MMP15: variants seen among roughly 807,000 people sequenced by gnomAD.
MMP15 encodes the protein matrix metallopeptidase 15, also known as matrix metalloproteinase-15.
A neutral mutation model predicts 65.0 loss-of-function variants in MMP15; 36 were observed. The ratio of observed to expected loss-of-function variants is 0.55; its 90% CI spans 0.42 to 0.73. The LOEUF (loss-of-function observed/expected upper bound fraction) is 0.73, where lower values mean the gene tolerates loss of function less well. MMP15 is among the 30% of genes least tolerant of loss of function. The pLI is 0.00. For missense variants in MMP15, 870 were observed against 987.8 expected, an observed-to-expected ratio of 0.88 and a Z score of 1.60; for synonymous variants, 428 against 410.2, an observed-to-expected ratio of 1.04 and a Z score of -0.52.
At chr16:58,034,249 G>A (rs963038604) in intron 1 of MMP15, among the ~76,000 whole-genome samples, 1 of 152,208 alleles carries the variant, frequency 6.6e-6, no homozygotes, top group African/African-American at 2.4e-5. Context: ...CTGGGATTGC[G>A]AGTCATGACC....
intron 1 of MMP15, among the ~76,000 whole-genome samples, chr16:58,031,281 G>A (rs987607680): frequency 1.3e-5 from 2 of 152,178 alleles, no homozygotes; most frequent in Admixed American, 6.5e-5. Context: ...GTGCCATCCT[G>A]TGGAAATTCC....
rs1211647008 is a variant in MMP15, at chr16:58,038,284, C to A, written c.330C>A (p.Arg110=). The A allele has an allele frequency of 6.2e-7, 1 of 1,614,010 alleles. No individual in the cohort carries two copies. Among genetic ancestry groups the A allele is most frequent in the Non-Finnish European group, 8.5e-7 (1 of 1,180,026 alleles). The change falls in exon 3 of 10, where the codon CGC becomes CGA. Residue 110 remains arginine, a synonymous_variant. Coordinates refer to ENST00000219271, the MANE Select transcript of MMP15 (RefSeq NM_002428.4). The part of the protein sequence containing the change: ...EETKEWMKRP[R]CGVPDQFGVR... ...GTCCCAGGTGGATGAAGCGGCCCCG[C>A]TGTGGGGTGCCAGACCAGTTCGGGG... is the stretch of plus-strand genomic sequence containing the variant.
At chr16:58,044,271 C>T (rs2142332279) in intron 9 of MMP15, among the ~76,000 whole-genome samples, 1 of 152,246 alleles carries the variant, frequency 6.6e-6, no homozygotes, top group South Asian at 2.1e-4. Flanking sequence ...CATAGTGAGA[C>T]TCTATCTCTA....
intron 1 of MMP15, among the ~76,000 whole-genome samples, chr16:58,034,483 T>C (rs1959292002): frequency 6.6e-6 from 1 of 152,154 alleles, no homozygotes; most frequent in Non-Finnish European, 1.5e-5. Context: ...CTCACAGTCC[T>C]ATGGGTGGTA....
chr16:58,043,972 C>A (rs1219120854), intron 9 of MMP15, among the ~76,000 whole-genome samples: 1 of 152,216 alleles, frequency 6.6e-6, no homozygotes, highest in Non-Finnish European at 1.5e-5. Flanking sequence ...CCAGCCACCC[C>A]CAGGCAATCC....
At chr16:58,037,699 A>C (rs1451632069) in intron 2 of MMP15, 79 bp downstream of exon 2, 6 of 1,582,318 alleles carry the variant, frequency 3.8e-6, no homozygotes, top group Non-Finnish European at 5.2e-6. Context: ...CAGCATGTGG[A>C]GTTTCCAGAA....
intron 8 of MMP15, 45 bp from the exon 9 acceptor site, chr16:58,043,467 C>G: frequency 6.2e-7 from 1 of 1,606,754 alleles, no homozygotes; most frequent in East Asian, 2.2e-5. Context: ...GGGTCCTGGC[C>G]CAAGCAGGAT....
chr16:58,044,336 A>AT (rs771067432), intron 9 of MMP15, among the ~76,000 whole-genome samples: 5 of 152,164 alleles, frequency 3.3e-5, no homozygotes, highest in Non-Finnish European at 5.9e-5. Flanking sequence ...AGTCCCAGTT[A>AT]TTTAGGAGGC....
In MMP15 at chr16:58,040,207, G is replaced by A. The variant is rs1421816238; in HGVS notation, c.748+25G>A. ...GGTGAGGACAGCTGGCCAGGGTGAG[G>A]GGCAGGGCAGGTGGCCCCGGAGCTG... On this transcript the variant is annotated intron_variant, in intron 4 of 9. Transcript: ENST00000219271. 3.8e-6 allele frequency: 6 copies of A among 1,586,348 alleles called. No homozygotes were observed. The African/African-American group carries it at 6.7e-5, about 18-fold the overall frequency.
In MMP15 at chr16:58,026,375, G is replaced by A. The variant is rs540813875; in HGVS notation, c.25G>A (p.Gly9Arg). Residue 9 changes from glycine to arginine, a missense_variant, in exon 1 of 10, where the codon GGA becomes AGA. Physicochemically the swap from Gly to Arg is moderately radical, Grantham distance 125. Transcript: ENST00000219271. MGSDPSAP[G>R]RPGWTGSLLG... ...CATGGGCAGCGACCCGAGCGCGCCC[G>A]GACGGCCGGGCTGGACGGGCAGCCT... 38 of 1,374,314 alleles carry A rather than the reference G, an allele frequency of 2.8e-5. No individual in the cohort carries two copies. The East Asian group carries it at 6.4e-4, about 23-fold the overall frequency. 85.1% of individuals were successfully genotyped at this position (1,374,314 alleles called of 1,614,324 possible). A position where few individuals can be genotyped will look rare whatever the true frequency, so the allele number is the denominator to read the frequency against.
intron 1 of MMP15, among the ~76,000 whole-genome samples, chr16:58,029,226 A>T (rs1423199049): frequency 1.3e-5 from 2 of 152,214 alleles, no homozygotes; most frequent in Non-Finnish European, 2.9e-5. Context: ...AGCGTGAATT[A>T]CCATTTTGAC....
rs749702196 is a variant in MMP15 at position 58,037,522 on chromosome 16, C to T, written c.213C>T (p.Ser71=). ...GYLPQPSRHM[S]TMRSAQILAS... ...TGCCTCAGCCCAGCCGCCATATGTCCACCATGCGTTCCGCCCAGATCTTGG... is the reference window on the plus strand; with the variant it reads ...TGCCTCAGCCCAGCCGCCATATGTCTACCATGCGTTCCGCCCAGATCTTGG... Residue 71 remains serine, a synonymous_variant, in exon 2 of 10, where the codon TCC becomes TCT. Transcript: ENST00000219271. 4 of 1,614,064 alleles carry T rather than the reference C, an allele frequency of 2.5e-6. No homozygotes were observed. In the South Asian group the frequency reaches 3.3e-5, roughly 13 times the overall value.
chr16:58,034,620 C>A (rs560326391), intron 1 of MMP15, among the ~76,000 whole-genome samples: 1 of 152,158 alleles, frequency 6.6e-6, no homozygotes, highest in Non-Finnish European at 1.5e-5. Flanking sequence ...GCGCCAAGGC[C>A]GTGTTTCTGC....
chr16:58,045,122 C>T lies in MMP15; in HGVS notation c.1686C>T (p.His562=), dbSNP rs369163150. 14 of 1,607,186 alleles carry T rather than the reference C, an allele frequency of 8.7e-6. No individual in the cohort carries two copies. The highest frequency in any genetic ancestry group is 4.0e-5 in the African/African-American group (3 of 74,824). ...GGGACTTCATGGGCTGCCAGGAGCA[C>T]GTGGAGCCAGGCCCCCGATGGCCCG... ...ILRDFMGCQE[H]VEPGPRWPDV... is the part of the protein sequence containing the mutation. Residue 562 remains histidine, a synonymous_variant, in exon 10 of 10, where the codon CAC becomes CAT. Transcript: ENST00000219271.
At position 58,026,505 on chromosome 16, in the gene MMP15, A is replaced by T. The variant is rs925581203; in HGVS notation, c.155A>T (p.His52Leu). The T allele has an allele frequency of 1.2e-5, 16 of 1,354,460 alleles. No individual in the cohort carries two copies. The highest frequency in any genetic ancestry group is 1.5e-5 in the Non-Finnish European group (16 of 1,051,222). 83.9% of individuals were successfully genotyped at this position (1,354,460 alleles called of 1,614,324 possible). A position where few individuals can be genotyped will look rare whatever the true frequency, so the allele number is the denominator to read the frequency against. Residue 52 changes from histidine to leucine, a missense_variant, in exon 1 of 10, where the codon CAT becomes CTT. Transcript: ENST00000219271. ...GTAGCGGCCGAAGACGCGGAGGTCC[A>T]TGCCGAGGTAAGACCCCCGCCCTGC... ...LGVAAEDAEV[H>L]AENWLRLYGY...
At chr16:58,034,922 T>G (rs1044814503) in intron 1 of MMP15, among the ~76,000 whole-genome samples, 1 of 151,504 alleles carries the variant, frequency 6.6e-6, no homozygotes, top group Non-Finnish European at 1.5e-5. Context: ...GGCCCCAGCC[T>G]GATCCTCCCC....
At chr16:58,040,225 C>T (rs1036012702) in intron 4 of MMP15, 43 bp downstream of exon 4, 6 of 1,562,862 alleles carry the variant, frequency 3.8e-6, no homozygotes, top group Admixed American at 3.5e-5. Flanking sequence ...CAGGTGGCCC[C>T]GGAGCTGGGC....
intron 9 of MMP15, among the ~76,000 whole-genome samples, 192 bp from the exon 10 acceptor site, chr16:58,044,815 C>G (rs957325559): frequency 6.6e-5 from 10 of 152,218 alleles, no homozygotes; most frequent in African/African-American, 2.2e-4. Flanking sequence ...GGGTTCTAGT[C>G]GTACCCTTAG....
In MMP15 at chr16:58,037,360, G is replaced by A. The variant is rs1040492609; in HGVS notation, c.163-112G>A. On this transcript the variant is annotated intron_variant, in intron 1 of 9. Coordinates refer to ENST00000219271, the MANE Select transcript of MMP15 (RefSeq NM_002428.4). ...GGTCACCTGGGCAGGAGGTGATGAC[G>A]GCTCAGATAGAGCAGCGGTGGTGGA... The A allele has an allele frequency of 3.4e-5, 47 of 1,384,294 alleles. No individual in the cohort carries two copies. The Admixed American group carries it at 7.0e-4, about 20-fold the overall frequency. The allele number at this position is 1,384,294 out of a possible 1,614,324, so 85.8% of individuals were successfully genotyped here.
Sources: allele counts gnomAD v4.1 joint callset (sites outside exome capture counted in the v4.1 genomes callset), GRCh38; gene constraint gnomAD v4.1.1; transcripts MANE v1.5; gene names NCBI Gene and HGNC (gene_info 2026-07-23, HGNC 2026-07-21).